The following APPL1 variants were observed in gnomAD, a reference collection of about 807,000 sequenced individuals.
APPL1 encodes the protein DCC-interacting protein 13-alpha.
Under a neutral mutation model 106.8 loss-of-function variants are expected in APPL1, and 42 were observed. The observed-to-expected ratio is 0.39, with a 90% CI of 0.31 to 0.51. APPL1 has a LOEUF of 0.51. APPL1 is among the 20% of genes least tolerant of loss of function. The pLI is 0.75. For synonymous variants in APPL1, 263 were observed against 281.8 expected (o/e 0.93, Z 0.67); for missense variants, 769 against 858.2 (o/e 0.90, Z 1.30).
rs1334415764 is a variant in APPL1, at chr3:57,269,734, A to T, written c.*47A>T. 1 of 1,588,076 alleles carries T rather than the reference A, an allele frequency of 6.3e-7. No individual in the cohort carries two copies. The highest frequency in any genetic ancestry group is 8.6e-7 in the Non-Finnish European group (1 of 1,158,774). On this transcript the variant is annotated 3_prime_UTR_variant, in exon 22 of 22. Coordinates refer to ENST00000288266, the MANE Select transcript of APPL1 (RefSeq NM_012096.3). ...TCCCCCTTGGAATTTGACAGTTTCT[A>T]TGGTGAAATGGCAGAAGGTAACAAC...
intron 10 of APPL1, 139 bp downstream of exon 10, chr3:57,248,490 A>C (rs2107603190): frequency 1.1e-6 from 1 of 923,596 alleles, no homozygotes; most frequent in East Asian, 2.6e-5. Flanking sequence ...TATTTATGTG[A>C]ACTTTTTGAC....
chr3:57,241,022 A>ATG (rs1559508305), intron 5 of APPL1, among the ~76,000 whole-genome samples: 1 of 152,210 alleles, frequency 6.6e-6, no homozygotes, highest in Non-Finnish European at 1.5e-5. Flanking sequence ...TGTGGCTGCA[A>ATG]TGCTGTATGT....
chr3:57,246,093 A>G lies in APPL1; in HGVS notation c.492A>G (p.Thr164=), dbSNP rs1297031067. The part of the protein sequence containing the change: ...RENDKVKYEV[T]EDVYTSRKKQ... ...ATTCAAAGGTGAAGTATGAAGTAACAGAAGATGTGTACACATCCAGAAAGA... is the reference window on the plus strand; with the variant it reads ...ATTCAAAGGTGAAGTATGAAGTAACGGAAGATGTGTACACATCCAGAAAGA... The change falls in exon 8 of 22, where the codon ACA becomes ACG. Residue 164 remains threonine, a synonymous_variant. Coordinates refer to ENST00000288266, the MANE Select transcript of APPL1 (RefSeq NM_012096.3). 2 of 1,593,996 alleles carry G rather than the reference A, an allele frequency of 1.3e-6. No individual in the cohort carries two copies. The highest frequency in any genetic ancestry group is 1.8e-5 in the Admixed American group (1 of 54,906).
At chr3:57,235,142 A>G (rs1282401096) in intron 1 of APPL1, among the ~76,000 whole-genome samples, 1 of 152,180 alleles carries the variant, frequency 6.6e-6, no homozygotes, top group African/African-American at 2.4e-5. Context: ...TGGTATTTTT[A>G]GATTAGGACA....
chr3:57,239,464 A>T (rs2060734186), intron 4 of APPL1, among the ~76,000 whole-genome samples: 2 of 152,186 alleles, frequency 1.3e-5, no homozygotes, highest in Admixed American at 1.3e-4. Context: ...TCAGTACTTC[A>T]TTCCTTTTTT....
chr3:57,252,753 G>A (rs62251991), intron 12 of APPL1, among the ~76,000 whole-genome samples: 1 of 152,156 alleles, frequency 6.6e-6, no homozygotes, highest in African/African-American at 2.4e-5. Context: ...AAAAATTTGG[G>A]AGTCTCTGTT....
At chr3:57,252,892 T>C (rs1158256751) in intron 12 of APPL1, among the ~76,000 whole-genome samples, 1 of 152,208 alleles carries the variant, frequency 6.6e-6, no homozygotes, top group African/African-American at 2.4e-5. Context: ...TGAAAATGTA[T>C]CTTAGCTTGA....
chr3:57,234,644 A>G (rs2060706620), intron 1 of APPL1, among the ~76,000 whole-genome samples: 1 of 151,430 alleles, frequency 6.6e-6, no homozygotes, highest in South Asian at 2.1e-4. Flanking sequence ...TAAAATAAAG[A>G]TAATTTAAAA....
chr3:57,238,232 A>G, intron 4 of APPL1, 116 bp downstream of exon 4: 1 of 657,468 alleles, frequency 1.5e-6, no homozygotes, highest in Non-Finnish European at 2.5e-6. Context: ...GAGGAACCTT[A>G]ATTCCACATC....
At position 57,256,861 on chromosome 3, in the gene APPL1, G is replaced by A. The variant is rs2060839306; in HGVS notation, c.1153-96G>A. On this transcript the variant is annotated intron_variant, in intron 13 of 21. Transcript: ENST00000288266. ...AGTAGCTCTAATTTATATTTTAAGT[G>A]TAACTCAGAAGCATTCTAACAATTC... The A allele has an allele frequency of 4.2e-5, 39 of 923,954 alleles. No individual in the cohort carries two copies. The South Asian group carries it at 5.1e-4, about 12-fold the overall frequency. 57.2% of individuals were successfully genotyped at this position (923,954 alleles called of 1,614,324 possible). A position where few individuals can be genotyped will look rare whatever the true frequency, so the allele number is the denominator to read the frequency against.
intron 11 of APPL1, among the ~76,000 whole-genome samples, chr3:57,250,308 TA>T (rs1323071376): frequency 1.3e-5 from 2 of 152,066 alleles, no homozygotes; most frequent in Admixed American, 6.5e-5. Flanking sequence ...GCCTGGCAAT[TA>T]AAAAAAATTT....
intron 15 of APPL1, 29 bp downstream of exon 15, chr3:57,257,457 G>A: frequency 6.4e-7 from 1 of 1,574,162 alleles, no homozygotes; most frequent in Non-Finnish European, 8.6e-7. Flanking sequence ...GGTACATTGT[G>A]CTGTGGTCTG....
At position 57,267,803 on chromosome 3, in the gene APPL1, A is replaced by G. The variant is rs369555012; in HGVS notation, c.1893+11A>G. 604 of 1,613,304 alleles carry G rather than the reference A, an allele frequency of 3.7e-4. No homozygotes were observed. Among genetic ancestry groups the G allele is most frequent in the Non-Finnish European group, 4.7e-4 (552 of 1,179,952 alleles). On this transcript the variant is annotated intron_variant, in intron 20 of 21. Coordinates refer to ENST00000288266, the MANE Select transcript of APPL1 (RefSeq NM_012096.3). Reference sequence around the variant, plus strand: ...TTGCATGCTGAACTGGTAAGAATCCAAGATGTGGCTGGGCACAGTGGTTCA... The same window carrying G: ...TTGCATGCTGAACTGGTAAGAATCCGAGATGTGGCTGGGCACAGTGGTTCA...
intron 7 of APPL1, among the ~76,000 whole-genome samples, chr3:57,244,099 C>A (rs552358206): frequency 4.2e-4 from 63 of 151,496 alleles, no homozygotes; most frequent in Non-Finnish European, 6.5e-4. Context: ...TAATAAAATG[C>A]TGAGAGAGCA....
At position 57,227,762 on chromosome 3, in the gene APPL1, G is replaced by A; in HGVS notation, c.-122G>A. 2 of 796,412 alleles carry A rather than the reference G, an allele frequency of 2.5e-6. No individual in the cohort carries two copies. The highest frequency in any genetic ancestry group is 1.7e-6 in the Non-Finnish European group (1 of 581,868). 49.3% of individuals were successfully genotyped at this position (796,412 alleles called of 1,614,324 possible). On this transcript the variant is annotated 5_prime_UTR_variant, in exon 1 of 22. Coordinates refer to ENST00000288266, the MANE Select transcript of APPL1 (RefSeq NM_012096.3). ...GCTCGGCGCCTGGAGAAGGCTGTGC[G>A]GGCGGGGACGGCTGCAGCCCTTGCC...
intron 1 of APPL1, among the ~76,000 whole-genome samples, chr3:57,231,127 C>T (rs2060684592): frequency 6.6e-6 from 1 of 151,674 alleles, no homozygotes; most frequent in Non-Finnish European, 1.5e-5. Flanking sequence ...ATCACGAGGT[C>T]AGGAGTTTGA....
intron 11 of APPL1, among the ~76,000 whole-genome samples, chr3:57,249,806 A>G (rs1223997449): frequency 6.6e-6 from 1 of 152,186 alleles, no homozygotes; most frequent in Non-Finnish European, 1.5e-5. Flanking sequence ...GGAACTGAAA[A>G]TCCTGCATAG....
intron 13 of APPL1, among the ~76,000 whole-genome samples, chr3:57,254,658 G>T (rs923567247): frequency 2.6e-5 from 4 of 152,042 alleles, no homozygotes; most frequent in Admixed American, 6.5e-5. Flanking sequence ...AGAGTCTTGC[G>T]GTGTTGCCCA....
chr3:57,265,679 T>TCATCATATCA (rs1236429872), intron 19 of APPL1, among the ~76,000 whole-genome samples: 17 of 151,946 alleles, frequency 1.1e-4, no homozygotes, highest in Non-Finnish European at 2.4e-4. Context: ...AAATATAAGA[T>TCATCATATCA]CATCATATCA....
Sources: allele counts gnomAD v4.1 joint callset (sites outside exome capture counted in the v4.1 genomes callset), GRCh38; gene constraint gnomAD v4.1.1; transcripts MANE v1.5; gene names NCBI Gene and HGNC (gene_info 2026-07-23, HGNC 2026-07-21).